Variants in SYCE1L observed in about 807,000 individuals in gnomAD.
The protein encoded by SYCE1L is synaptonemal complex central element protein 1-like.
Under a neutral mutation model 39.6 loss-of-function variants are expected in SYCE1L, and 51 were observed. The ratio of observed to expected loss-of-function variants is 1.29; its 90% CI spans 1.03 to 1.63. SYCE1L has a LOEUF of 1.63. Among genes scored for constraint, SYCE1L ranks in the 40% most tolerant of loss-of-function variants. SYCE1L has a pLI of 0.00. For missense variants in SYCE1L, 426 were observed against 304.9 expected (o/e 1.40, Z -2.96); for synonymous variants, 147 against 122.4 (o/e 1.20, Z -1.33).
chr16:77,203,591 C>T (rs1343937163), intron 1 of SYCE1L, among the ~76,000 whole-genome samples: 1 of 80,004 alleles, frequency 1.2e-5, no homozygotes, highest in Non-Finnish European at 3.1e-5. Context: ...CAAGTTACTT[C>T]CTTTTTTTTT....
chr16:77,207,984 C>T (rs559743560), intron 2 of SYCE1L, among the ~76,000 whole-genome samples: 1 of 152,202 alleles, frequency 6.6e-6, no homozygotes, highest in African/African-American at 2.4e-5. Flanking sequence ...TATTTCTCTT[C>T]ACAGCAGTTA....
chr16:77,200,873 T>G (rs906360322), intron 1 of SYCE1L: 1 of 152,156 alleles, frequency 6.6e-6, no homozygotes, highest in Non-Finnish European at 1.5e-5. Flanking sequence ...AGAAAATAGC[T>G]TTAAACAAAG....
At position 77,212,562 on chromosome 16, in the gene SYCE1L, C is replaced by G. The variant is rs965188248; in HGVS notation, c.582-12C>G. 2 of 1,536,676 alleles carry G rather than the reference C, an allele frequency of 1.3e-6. No homozygotes were observed. Among genetic ancestry groups the G allele is most frequent in the African/African-American group, 2.7e-5 (2 of 72,944 alleles). ...CTCTCTTCCTCCTGTCTCCTCGGCCCCTTCTCCGCAGGCTGAAGGCGGAGC... is the reference window on the plus strand; with the variant it reads ...CTCTCTTCCTCCTGTCTCCTCGGCCGCTTCTCCGCAGGCTGAAGGCGGAGC... On this transcript the variant is annotated splice_polypyrimidine_tract_variant and intron_variant, in intron 9 of 10. Coordinates refer to ENST00000378644, the MANE Select transcript of SYCE1L (RefSeq NM_001129979.3).
intron 1 of SYCE1L, among the ~76,000 whole-genome samples, chr16:77,204,252 C>T (rs1453120731): frequency 6.6e-6 from 1 of 152,126 alleles, no homozygotes; most frequent in Non-Finnish European, 1.5e-5. Context: ...CTAATGCAAG[C>T]ACAAAGAATA....
chr16:77,202,508 T>A (rs2054753401), intron 1 of SYCE1L: 1 of 152,218 alleles, frequency 6.6e-6, no homozygotes, highest in African/African-American at 2.4e-5. Context: ...TGGCCTTATT[T>A]CATGACTAGC....
Position 77,208,523 on chromosome 16 carries a change from T to A in SYCE1L, c.240T>A (p.His80Gln). ...RETHSLWEALHRELDSLNGEK... is the reference protein window; with the variant it reads ...RETHSLWEALQRELDSLNGEK... Reference sequence around the variant, plus strand: ...CCCACAGTCTCTGGGAGGCCCTGCATAGGGAATTAGACTCCTGTAAGTGGG... The same window carrying A: ...CCCACAGTCTCTGGGAGGCCCTGCAAAGGGAATTAGACTCCTGTAAGTGGG... The change falls in exon 4 of 11, where the codon CAT becomes CAA. Residue 80 changes from histidine to glutamine, a missense_variant. By Grantham distance (24) the His-to-Gln change is conservative (BLOSUM62 0). Coordinates refer to ENST00000378644, the MANE Select transcript of SYCE1L (RefSeq NM_001129979.3). 1 of 1,551,714 alleles carries A rather than the reference T, an allele frequency of 6.4e-7. No homozygotes were observed. Among genetic ancestry groups the A allele is most frequent in the Non-Finnish European group, 8.7e-7 (1 of 1,146,992 alleles).
intron 1 of SYCE1L, among the ~76,000 whole-genome samples, chr16:77,205,659 C>A (rs1310537056): frequency 6.6e-6 from 1 of 152,042 alleles, no homozygotes; most frequent in Admixed American, 6.6e-5. Flanking sequence ...AGCACATCCC[C>A]AGTGGTGTCA....
chr16:77,212,837 C>T lies in SYCE1L; in HGVS notation c.655-20C>T, dbSNP rs1461004088. Reference sequence around the variant, plus strand: ...AGGAGCGTAGGAACCTGGTCCGCAGCCTCACCCAGCCCCCGGCAGGCCGGA... The same window carrying T: ...AGGAGCGTAGGAACCTGGTCCGCAGTCTCACCCAGCCCCCGGCAGGCCGGA... On this transcript the variant is annotated intron_variant, in intron 10 of 10. Coordinates refer to ENST00000378644, the MANE Select transcript of SYCE1L (RefSeq NM_001129979.3). The T allele has an allele frequency of 2.0e-6, 3 of 1,469,718 alleles. No homozygotes were observed. The highest frequency in any genetic ancestry group is 2.7e-6 in the Non-Finnish European group (3 of 1,112,162). The allele number at this position is 1,469,718 out of a possible 1,614,324, so 91.0% of individuals were successfully genotyped here.
At chr16:77,209,262 C>A in intron 5 of SYCE1L, 118 bp downstream of exon 5, 1 of 1,354,632 alleles carries the variant, frequency 7.4e-7, no homozygotes, top group Non-Finnish European at 1.0e-6. Flanking sequence ...TCCCTCTCTG[C>A]ACAGATCTCT....
rs1330557676 is a variant in SYCE1L, at chr16:77,199,436, G to A, written c.-16G>A. 6.4e-6 allele frequency: 10 copies of A among 1,551,306 alleles called. No homozygotes were observed. The Middle Eastern group carries it at 5.1e-4, about 79-fold the overall frequency. On this transcript the variant is annotated 5_prime_UTR_variant, in exon 1 of 11. Transcript: ENST00000378644. ...AGTCATCAAGCGAGGCTCGCGCGCA[G>A]GCCCCGCGTTGGAAAATGGCGGGGA...
chr16:77,208,387 G>T (rs1424146), intron 3 of SYCE1L, 78 bp from the exon 4 acceptor site: 39,912 of 1,544,466 alleles, frequency 0.026, 675 homozygotes, highest in South Asian at 0.046. Context: ...GAAGATGACT[G>T]TGCAATGTCA....
chr16:77,212,103 G>C (rs1173487255), intron 7 of SYCE1L, 27 bp from the exon 8 acceptor site: 13 of 1,541,544 alleles, frequency 8.4e-6, no homozygotes, highest in Admixed American at 8.1e-5. Flanking sequence ...ACGGCCAAAC[G>C]GGGAGGCCTC....
At position 77,208,275 on chromosome 16, in the gene SYCE1L, C is replaced by G; in HGVS notation, c.181+6C>G. ...GATTAATGATCTTCAGCAAGGTAAA[C>G]TTGGGGACTTAGACTGGCCAGCTGG... On this transcript the variant is annotated splice_donor_region_variant and intron_variant, in intron 3 of 10. Coordinates refer to ENST00000378644, the MANE Select transcript of SYCE1L (RefSeq NM_001129979.3). 2 of 1,551,590 alleles carry G rather than the reference C, an allele frequency of 1.3e-6. No individual in the cohort carries two copies. The highest frequency in any genetic ancestry group is 1.7e-6 in the Non-Finnish European group (2 of 1,146,956).
intron 1 of SYCE1L, among the ~76,000 whole-genome samples, chr16:77,203,892 G>A (rs2054765785): frequency 6.6e-6 from 1 of 152,098 alleles, no homozygotes; most frequent in African/African-American, 2.4e-5. Flanking sequence ...ACTGCACCCG[G>A]CCGTTACTTC....
chr16:77,201,925 G>A (rs1283678930), intron 1 of SYCE1L: 4 of 152,092 alleles, frequency 2.6e-5, no homozygotes, highest in Admixed American at 6.5e-5. Context: ...AAATGGAGGG[G>A]GGTATAGCCC....
intron 1 of SYCE1L, among the ~76,000 whole-genome samples, chr16:77,205,200 C>G (rs1003224190): frequency 6.6e-6 from 1 of 151,762 alleles, no homozygotes; most frequent in African/African-American, 2.4e-5. Context: ...GGAATTTTCA[C>G]TGTATACTAT....
chr16:77,212,424 C>T lies in SYCE1L; in HGVS notation c.581+55C>T, dbSNP rs2054831028. On this transcript the variant is annotated intron_variant, in intron 9 of 10. Coordinates refer to ENST00000378644, the MANE Select transcript of SYCE1L (RefSeq NM_001129979.3). The stretch of plus-strand genomic sequence containing the variant: ...AGGGCAGGGGCAGGGCGGAGGGGAA[C>T]CCGCCCAGGTCCCCCGCTCCGCCCC... 3.3e-6 allele frequency: 5 copies of T among 1,529,098 alleles called. No individual in the cohort carries two copies. The South Asian group carries it at 4.8e-5, about 15-fold the overall frequency. 94.7% of individuals were successfully genotyped at this position (1,529,098 alleles called of 1,614,324 possible). A position where few individuals can be genotyped will look rare whatever the true frequency, so the allele number is the denominator to read the frequency against.
At chr16:77,205,976 T>C (rs996405586) in intron 1 of SYCE1L, among the ~76,000 whole-genome samples, 3 of 152,140 alleles carry the variant, frequency 2.0e-5, no homozygotes, top group African/African-American at 7.2e-5. Context: ...GCTCATAATA[T>C]CCAGTTGTCT....
intron 1 of SYCE1L, chr16:77,201,925 G>C (rs1283678930): frequency 6.6e-6 from 1 of 152,092 alleles, no homozygotes; most frequent in East Asian, 1.9e-4. Flanking sequence ...AAATGGAGGG[G>C]GGTATAGCCC....
Sources: allele counts gnomAD v4.1 joint callset (sites outside exome capture counted in the v4.1 genomes callset), GRCh38; gene constraint gnomAD v4.1.1; transcripts MANE v1.5; gene names NCBI Gene and HGNC (gene_info 2026-07-23, HGNC 2026-07-21).